SLC2A9: variants seen among roughly 807,000 people sequenced by gnomAD.
SLC2A9 encodes solute carrier family 2, facilitated glucose transporter member 9.
Under a neutral mutation model 50.6 loss-of-function variants are expected in SLC2A9, and 39 were observed. The observed-to-expected ratio is 0.77, with a 90% CI of 0.60 to 1.01. The LOEUF is 1.01. Among genes scored for constraint, SLC2A9 ranks in the 50% least tolerant of loss-of-function variants. The probability of loss-of-function intolerance (pLI) is 0.00; values close to 1 mark genes in which losing one functional copy is unlikely to be tolerated. For missense variants in SLC2A9, 686 were observed against 677.6 expected (o/e 1.01, Z -0.14); for synonymous variants, 324 against 276.9 (o/e 1.17, Z -1.69).
chr4:9,937,979 T>A (rs904958354), intron 6 of SLC2A9, among the ~76,000 whole-genome samples: 4 of 152,250 alleles, frequency 2.6e-5, no homozygotes, highest in African/African-American at 9.6e-5. Context: ...ATGTCCACAC[T>A]TCTGTGATCA....
intron 3 of SLC2A9, among the ~76,000 whole-genome samples, chr4:9,817,717 C>G (rs1259896865): frequency 6.6e-6 from 1 of 152,220 alleles, no homozygotes; most frequent in African/African-American, 2.4e-5. Flanking sequence ...CCATGCAACT[C>G]TCCTAATTCT....
chr4:9,806,559 T>C (rs1344530944), intron 3 of SLC2A9, among the ~76,000 whole-genome samples: 1 of 152,206 alleles, frequency 6.6e-6, no homozygotes, highest in Admixed American at 6.5e-5. Flanking sequence ...GTGTCTTTAA[T>C]TCCTCTAGTG....
chr4:9,953,386 G>A (rs1055438491), intron 5 of SLC2A9, among the ~76,000 whole-genome samples: 14 of 152,246 alleles, frequency 9.2e-5, no homozygotes, highest in Non-Finnish European at 1.9e-4. Context: ...GCCACTGAGG[G>A]CCAGGTGGGC....
chr4:9,971,075 T>C (rs987340298), intron 5 of SLC2A9, among the ~76,000 whole-genome samples: 13 of 152,198 alleles, frequency 8.5e-5, no homozygotes, highest in Admixed American at 2.6e-4. Context: ...ACAGAAATTG[T>C]GCACTCAGGG....
intron 1 of SLC2A9, among the ~76,000 whole-genome samples, chr4:10,033,818 C>A (rs1410823963): frequency 6.6e-5 from 10 of 152,166 alleles, no homozygotes; most frequent in Admixed American, 6.5e-4. Context: ...GTGGTGGTGT[C>A]CGAAATCCAG....
intron 10 of SLC2A9, among the ~76,000 whole-genome samples, chr4:9,847,576 C>T (rs16889519): frequency 0.17 from 25,782 of 152,136 alleles, 3,152 homozygotes; most frequent in African/African-American, 0.34. Context: ...TTGCTGGGAA[C>T]GGACTACGTG....
At chr4:9,802,941 C>A (rs1036209454) in intron 3 of SLC2A9, among the ~76,000 whole-genome samples, 1 of 152,158 alleles carries the variant, frequency 6.6e-6, no homozygotes, top group African/African-American at 2.4e-5. Context: ...TTTCCGAAGA[C>A]CCCAATTAAC....
rs896574538 is a variant in SLC2A9 at position 9,941,967 on chromosome 4, C to A, written c.760G>T (p.Asp254Tyr). The A allele has an allele frequency of 3.1e-6, 5 of 1,614,016 alleles. No individual in the cohort carries two copies. In the African/African-American group the frequency reaches 5.3e-5, roughly 17 times the overall value. ...VQLLSLPFLP[D>Y]SPRYLLLEKH... ...TCCAAGAGCAGGTAGCGTGGGCTGT[C>A]CGGGAGAAAGGGAAGGCTCAGCAGC... is the stretch of plus-strand genomic sequence containing the variant. The change falls in exon 6 of 12, where the codon GAC becomes TAC. Residue 254 changes from aspartate to tyrosine, a missense_variant. Asp to Tyr is a radical substitution (Grantham distance 160). Transcript: ENST00000264784.
intron 3 of SLC2A9, among the ~76,000 whole-genome samples, chr4:9,781,254 C>G (rs1718316421): frequency 6.6e-6 from 1 of 152,188 alleles, no homozygotes; most frequent in Non-Finnish European, 1.5e-5. Context: ...GTCGCAGAGC[C>G]AGGAATAAAG....
chr4:9,941,840 C>G (rs1465021812), intron 6 of SLC2A9, 73 bp downstream of exon 6: 1 of 1,603,650 alleles, frequency 6.2e-7, no homozygotes, highest in African/African-American at 1.3e-5. Context: ...CCCATTGGCC[C>G]AGGTCCCAGC....
At chr4:9,883,098 A>G (rs895025318) in intron 10 of SLC2A9, among the ~76,000 whole-genome samples, 10 of 151,852 alleles carry the variant, frequency 6.6e-5, no homozygotes, top group African/African-American at 2.2e-4. Context: ...ACAACTATGC[A>G]TCCTAATGTG....
Position 10,027,426 on chromosome 4 carries a change from TC to T in SLC2A9, c.-40-1421del, listed in dbSNP as rs1256530443. On this transcript the variant is annotated intron_variant, in intron 1 of 12. Coordinates refer to the SLC2A9 transcript ENST00000309065. ...CCTGCTCCCTGTTACAGCAAAACGATCCCAAAGAGAACTCACTTCCCCAGCT... is the reference window on the plus strand; with the variant it reads ...CCTGCTCCCTGTTACAGCAAAACGATCCAAAGAGAACTCACTTCCCCAGCT... Among the ~76,000 whole-genome samples, 13 of 152,260 alleles carry T rather than the reference TC, an allele frequency of 8.5e-5. No individual in the cohort carries two copies. The East Asian group carries it at 2.5e-3, about 29-fold the overall frequency.
At chr4:9,898,814 C>T (rs1484805427) in intron 8 of SLC2A9, among the ~76,000 whole-genome samples, 1 of 152,342 alleles carries the variant, frequency 6.6e-6, no homozygotes, top group East Asian at 1.9e-4. Flanking sequence ...TCTGACTGCT[C>T]CCTGCAGGGA....
downstream of SLC2A9, among the ~76,000 whole-genome samples, chr4:9,826,067 C>T (rs1393826393): frequency 6.7e-6 from 1 of 150,130 alleles, no homozygotes; most frequent in Non-Finnish European, 1.5e-5. Context: ...ACTATTTCCC[C>T]AATTTCATTT....
At chr4:9,947,934 A>T (rs991282379) in intron 5 of SLC2A9, among the ~76,000 whole-genome samples, 5 of 152,146 alleles carry the variant, frequency 3.3e-5, no homozygotes, top group African/African-American at 1.2e-4. Flanking sequence ...ATGGCGTGGT[A>T]TGTCCCCTCC....
intron 3 of SLC2A9, among the ~76,000 whole-genome samples, chr4:9,806,419 C>T (rs2108963776): frequency 6.6e-6 from 1 of 152,372 alleles, no homozygotes; most frequent in South Asian, 2.1e-4. Context: ...TATTAATCTA[C>T]AACCTATAGA....
At chr4:9,968,141 T>G (rs1157045995) in intron 5 of SLC2A9, among the ~76,000 whole-genome samples, 1 of 152,154 alleles carries the variant, frequency 6.6e-6, no homozygotes, top group Non-Finnish European at 1.5e-5. Context: ...GTAGCTTATT[T>G]TTTTGTTTGT....
Position 9,826,354 on chromosome 4 carries a change from T to C in SLC2A9, c.*43A>G, listed in dbSNP as rs200281070. 622 of 1,593,758 alleles carry C rather than the reference T, an allele frequency of 3.9e-4. No individual in the cohort carries two copies. Among genetic ancestry groups the C allele is most frequent in the Non-Finnish European group, 4.7e-4 (543 of 1,161,438 alleles). On this transcript the variant is annotated 3_prime_UTR_variant, in exon 12 of 12. Coordinates refer to ENST00000264784, the MANE Select transcript of SLC2A9 (RefSeq NM_020041.3). Reference sequence around the variant, plus strand: ...AAAGTGAGATCATCCATGTAGACAATCCTGTTTTTGACATAATTGTCCAAC... The same window carrying C: ...AAAGTGAGATCATCCATGTAGACAACCCTGTTTTTGACATAATTGTCCAAC...
intron 10 of SLC2A9, among the ~76,000 whole-genome samples, chr4:9,884,308 G>A (rs1475156034): frequency 6.6e-6 from 1 of 151,992 alleles, no homozygotes; most frequent in East Asian, 1.9e-4. Flanking sequence ...TTTTTCTCTA[G>A]CACCCTGGCT....
Sources: gnomAD v4.1 joint callset for allele counts (sites outside exome capture counted in the v4.1 genomes callset) on GRCh38, gnomAD v4.1.1 for gene constraint, MANE v1.5 for transcripts, NCBI Gene and HGNC (gene_info 2026-07-23, HGNC 2026-07-21) for gene names.